SFSWAP: variants seen among roughly 807,000 people sequenced by gnomAD.
SFSWAP encodes the protein splicing factor SWAP.
SFSWAP carries 17 observed loss-of-function variants against 100.7 expected under a neutral mutation model. That is an observed-to-expected ratio of 0.17 (90% CI 0.12 to 0.25). SFSWAP has a LOEUF of 0.25. SFSWAP is among the 10% of genes least tolerant of loss of function. SFSWAP has a pLI of 1.00. For missense variants in SFSWAP, 1,005 were observed against 1,262.6 expected, an observed-to-expected ratio of 0.80 and a Z score of 3.09; for synonymous variants, 504 against 510.1, an observed-to-expected ratio of 0.99 and a Z score of 0.16.
chr12:131,725,503 C>T lies in SFSWAP; in HGVS notation c.705C>T (p.Ala235=). Residue 235 remains alanine (A), a synonymous_variant, in exon 5 of 18, where the codon GCC becomes GCT. Transcript: ENST00000261674. The surrounding 1 kb of genome is among the most constrained non-coding windows in gnomAD (Gnocchi z 4.3). ...QFEIMLKAKQ[A]RNSQFDFLRF... ...AGATCATGCTGAAGGCCAAGCAGGC[C>T]CGGAACTCCCAGTTTGACTTTCTGC... 6.2e-7 allele frequency: 1 copy of T among 1,614,126 alleles called. No individual in the cohort carries two copies. Among genetic ancestry groups the T allele is most frequent in the African/African-American group, 1.3e-5 (1 of 75,024 alleles).
chr12:131,734,852 G>A lies in SFSWAP; in HGVS notation c.1081+6424G>A, dbSNP rs1226304668. 2.0e-5 allele frequency among the ~76,000 whole-genome samples: 3 copies of A among 151,938 alleles called. No homozygotes were observed. Among genetic ancestry groups the A allele is most frequent in the Non-Finnish European group, 2.9e-5 (2 of 67,982 alleles). On this transcript the variant is annotated intron_variant, in intron 7 of 17. Coordinates refer to ENST00000261674, the MANE Select transcript of SFSWAP (RefSeq NM_004592.4). This position sits in a 1 kb window ranked among gnomAD's most constrained non-coding sequence, Gnocchi z 4.9. ...TGAGGAGCAGGCATTGGAACATGAC[G>A]GAGCTGCTGCTGCTGCAGCCGCAGA...
chr12:131,785,018 C>T (rs913374796), intron 14 of SFSWAP: 17 of 1,408,062 alleles, frequency 1.2e-5, no homozygotes, highest in East Asian at 5.2e-5. Flanking sequence ...GTTCTGGTAG[C>T]GCCCAGCCCA....
At chr12:131,735,058 G>T (rs1395970343) in intron 7 of SFSWAP, among the ~76,000 whole-genome samples, 1 of 152,194 alleles carries the variant, frequency 6.6e-6, no homozygotes, top group Non-Finnish European at 1.5e-5. Flanking sequence ...AGAGCAATGT[G>T]GCCACAGGCA....
intron 4 of SFSWAP, among the ~76,000 whole-genome samples, chr12:131,724,902 C>T (rs961357407): frequency 1.3e-5 from 2 of 152,132 alleles, no homozygotes; most frequent in African/African-American, 2.4e-5. Flanking sequence ...AAAGACATGG[C>T]GTACTCTTGT....
chr12:131,794,797 A>G lies in SFSWAP; in HGVS notation c.2535-2381A>G, dbSNP rs11246812. Among the ~76,000 whole-genome samples the G allele has an allele frequency of 0.19, 28,321 of 151,982 alleles. 5,328 individuals carry two copies. The highest frequency in any genetic ancestry group is 0.49 in the African/African-American group (20,056 of 41,300). On this transcript the variant is annotated intron_variant, in intron 15 of 17. Coordinates refer to ENST00000261674, the MANE Select transcript of SFSWAP (RefSeq NM_004592.4). This position sits in a 1 kb window ranked among gnomAD's most constrained non-coding sequence, Gnocchi z 4.8. ...AGCACCGAGGACAGCGTTTCACCCA[A>G]TGGACAGTGGCACCTCGGTGCTTTA...
intron 13 of SFSWAP, among the ~76,000 whole-genome samples, chr12:131,777,397 G>GT (rs144746091): frequency 2.0e-5 from 3 of 152,122 alleles, no homozygotes; most frequent in Admixed American, 1.3e-4. Flanking sequence ...GCGGTGTTTG[G>GT]TTTTTTGTCC....
chr12:131,766,787 A>C (rs971891925), intron 13 of SFSWAP, among the ~76,000 whole-genome samples: 1 of 152,272 alleles, frequency 6.6e-6, no homozygotes, highest in African/African-American at 2.4e-5. Flanking sequence ...CCAGGAGTAC[A>C]TGGCTCCTTC....
intron 13 of SFSWAP, among the ~76,000 whole-genome samples, chr12:131,771,449 A>AATTCCTTTTTTAATTTG (rs1184350391): frequency 6.6e-6 from 1 of 151,852 alleles, no homozygotes; most frequent in Admixed American, 6.6e-5. Context: ...CTCACCATGG[A>AATTCCTTTTTTAATTTG]ATTCCTTTTT....
intron 7 of SFSWAP, among the ~76,000 whole-genome samples, chr12:131,748,576 G>A (rs1482286116): frequency 6.6e-6 from 1 of 152,228 alleles, no homozygotes; most frequent in Non-Finnish European, 1.5e-5. Context: ...TCTGTTCTGT[G>A]TGTTAAATTC....
Position 131,711,101 on chromosome 12 carries a change from C to T in SFSWAP, c.-129C>T. 1 of 735,288 alleles carries T rather than the reference C, an allele frequency of 1.4e-6. No individual in the cohort carries two copies. Among genetic ancestry groups the T allele is most frequent in the Non-Finnish European group, 2.2e-6 (1 of 464,182 alleles). 45.5% of individuals were successfully genotyped at this position (735,288 alleles called of 1,614,324 possible). On this transcript the variant is annotated 5_prime_UTR_variant, in exon 1 of 18. Transcript: ENST00000261674. This position sits in a 1 kb window ranked among gnomAD's most constrained non-coding sequence, Gnocchi z 4.9. ...GCTGCCCCTCCACCATTTTGTGGCC[C>T]GCTATGGCGGCGGTGTTGAGGTTGG... is the stretch of plus-strand genomic sequence containing the variant.
rs1432621282 is a variant in SFSWAP at position 131,734,633 on chromosome 12, G to C, written c.1081+6205G>C. Reference sequence around the variant, plus strand: ...TGTCTTACTAGCCAGCGTGCTCCTTGCACCTCGATCCAAGGGGCCACGGGG... The same window carrying C: ...TGTCTTACTAGCCAGCGTGCTCCTTCCACCTCGATCCAAGGGGCCACGGGG... On this transcript the variant is annotated intron_variant, in intron 7 of 17. Transcript: ENST00000261674. This position sits in a 1 kb window ranked among gnomAD's most constrained non-coding sequence, Gnocchi z 4.9. Among the ~76,000 whole-genome samples, 1 of 152,188 alleles carries C rather than the reference G, an allele frequency of 6.6e-6. No individual in the cohort carries two copies. The highest frequency in any genetic ancestry group is 6.5e-5 in the Admixed American group (1 of 15,276).
intron 16 of SFSWAP, 36 bp from the exon 17 acceptor site, chr12:131,799,001 C>G (rs750457895): frequency 2.6e-6 from 4 of 1,536,966 alleles, no homozygotes; most frequent in Non-Finnish European, 3.6e-6. Context: ...CATCTTCACA[C>G]GGTTGTAAGC....
chr12:131,770,285 C>T (rs1320150259), intron 13 of SFSWAP, among the ~76,000 whole-genome samples: 1 of 152,206 alleles, frequency 6.6e-6, no homozygotes, highest in African/African-American at 2.4e-5. Flanking sequence ...CATTCGGCCA[C>T]CGCACGCCCT....
At position 131,756,467 on chromosome 12, in the gene SFSWAP, C is replaced by A; in HGVS notation, c.1549-6C>A. The A allele has an allele frequency of 6.2e-7, 1 of 1,613,156 alleles. No individual in the cohort carries two copies. The highest frequency in any genetic ancestry group is 8.5e-7 in the Non-Finnish European group (1 of 1,179,512). ...CTGACAGTTTATAGTGACATTTAAT[C>A]TCTAGGCTGTGTCTGCACCAGAAGA... is the stretch of plus-strand genomic sequence containing the variant. On this transcript the variant is annotated splice_region_variant and splice_polypyrimidine_tract_variant and intron_variant, in intron 10 of 17. Transcript: ENST00000261674.
At chr12:131,772,239 C>T (rs1177888360) in intron 13 of SFSWAP, among the ~76,000 whole-genome samples, 3 of 152,318 alleles carry the variant, frequency 2.0e-5, no homozygotes, top group South Asian at 2.1e-4. Flanking sequence ...TTCTTTACAA[C>T]GTGCTGAATT....
rs138763557 is a variant in SFSWAP at position 131,733,576 on chromosome 12, G to A, written c.1081+5148G>A. On this transcript the variant is annotated intron_variant, in intron 7 of 17. Coordinates refer to ENST00000261674, the MANE Select transcript of SFSWAP (RefSeq NM_004592.4). The surrounding 1 kb of genome is among the most constrained non-coding windows in gnomAD (Gnocchi z 5.1). ...GAGGTGGGCGCAGCTCCATGTTCTC[G>A]GGGGATTTCTTCACTGTGTTTCTTG... 7.2e-5 allele frequency among the ~76,000 whole-genome samples: 11 copies of A among 152,122 alleles called. No individual in the cohort carries two copies. Among genetic ancestry groups the A allele is most frequent in the African/African-American group, 1.9e-4 (8 of 41,508 alleles).
Position 131,714,276 on chromosome 12 carries a change from T to C in SFSWAP, c.388+36T>C. ...AGACAAACTTACTTCAGCAACAAAC[T>C]TTTTAAAATTTTTAAGTATTTAAAA... is the stretch of plus-strand genomic sequence containing the variant. On this transcript the variant is annotated intron_variant, in intron 2 of 17. Coordinates refer to ENST00000261674, the MANE Select transcript of SFSWAP (RefSeq NM_004592.4). The surrounding 1 kb of genome is among the most constrained non-coding windows in gnomAD (Gnocchi z 6.0). 2 of 1,518,160 alleles carry C rather than the reference T, an allele frequency of 1.3e-6. No homozygotes were observed. Among genetic ancestry groups the C allele is most frequent in the Non-Finnish European group, 1.8e-6 (2 of 1,126,662 alleles). 94.0% of individuals were successfully genotyped at this position (1,518,160 alleles called of 1,614,324 possible). A position where few individuals can be genotyped will look rare whatever the true frequency, so the allele number is the denominator to read the frequency against.
Position 131,799,731 on chromosome 12 carries a change from T to G in SFSWAP, c.*243T>G. On this transcript the variant is annotated 3_prime_UTR_variant, in exon 18 of 18. Coordinates refer to ENST00000261674, the MANE Select transcript of SFSWAP (RefSeq NM_004592.4). ...ATAAAATGGGAGGAAACACCTTTTC[T>G]AGCTAGACCCTGGCGTGGTTTCTTC... 1 of 502,716 alleles carries G rather than the reference T, an allele frequency of 2.0e-6. No individual in the cohort carries two copies. Among genetic ancestry groups the G allele is most frequent in the Non-Finnish European group, 3.5e-6 (1 of 281,954 alleles). 31.1% of individuals were successfully genotyped at this position (502,716 alleles called of 1,614,324 possible). A position where few individuals can be genotyped will look rare whatever the true frequency, so the allele number is the denominator to read the frequency against.
intron 7 of SFSWAP, among the ~76,000 whole-genome samples, chr12:131,732,215 C>T (rs1401552142): frequency 6.6e-6 from 1 of 152,116 alleles, no homozygotes; most frequent in Admixed American, 6.6e-5. Flanking sequence ...AGCCGTGTTG[C>T]TATTATACTT....
Sources: allele counts gnomAD v4.1 joint callset (sites outside exome capture counted in the v4.1 genomes callset), GRCh38; gene constraint gnomAD v4.1.1; non-coding constraint Gnocchi (gnomAD v3.1); transcripts MANE v1.5; gene names NCBI Gene and HGNC (gene_info 2026-07-23, HGNC 2026-07-21).